KCNH8: variants seen among roughly 807,000 people sequenced by gnomAD.
KCNH8 encodes voltage-gated delayed rectifier potassium channel KCNH8.
Under a neutral mutation model 103.6 loss-of-function variants are expected in KCNH8, and 70 were observed. That is an observed-to-expected ratio of 0.68 (90% CI 0.56 to 0.82). The LOEUF is 0.82. Among genes scored for constraint, KCNH8 ranks in the 40% least tolerant of loss-of-function variants. The pLI, the probability that KCNH8 is intolerant of heterozygous loss-of-function variation, is 0.00. For missense variants in KCNH8, 1,217 were observed against 1,329.9 expected (o/e 0.92, Z 1.32); for synonymous variants, 498 against 489.4 (o/e 1.02, Z -0.23).
intron 2 of KCNH8, 123 bp downstream of exon 2, chr3:19,254,010 A>G (rs534151213): frequency 4.5e-6 from 3 of 666,660 alleles, no homozygotes; most frequent in Admixed American, 5.2e-5. Context: ...AGGCTGTTAC[A>G]GAAGTTCCAC....
intron 14 of KCNH8, among the ~76,000 whole-genome samples, chr3:19,516,505 A>C (rs1251589072): frequency 3.3e-5 from 5 of 152,078 alleles, no homozygotes; most frequent in Admixed American, 6.6e-5. Flanking sequence ...AGGAGCAAAG[A>C]AATCATAGTT....
At chr3:19,406,601 C>T (rs1214603661) in intron 7 of KCNH8, among the ~76,000 whole-genome samples, 1 of 152,044 alleles carries the variant, frequency 6.6e-6, no homozygotes, top group East Asian at 1.9e-4. Flanking sequence ...ACAACATAGT[C>T]TTTAATTGCT....
intron 5 of KCNH8, among the ~76,000 whole-genome samples, chr3:19,358,609 A>G (rs1443758698): frequency 6.6e-6 from 1 of 152,012 alleles, no homozygotes; most frequent in Non-Finnish European, 1.5e-5. Flanking sequence ...AAAACAAGTT[A>G]TAACAGATAC....
chr3:19,386,890 T>C (rs1051621208), intron 5 of KCNH8, among the ~76,000 whole-genome samples: 2 of 152,158 alleles, frequency 1.3e-5, no homozygotes, highest in African/African-American at 4.8e-5. Flanking sequence ...GAAGTTCCAC[T>C]CTGTTTCTGT....
chr3:19,492,416 G>A (rs1254049756), intron 11 of KCNH8, among the ~76,000 whole-genome samples: 6 of 152,120 alleles, frequency 3.9e-5, no homozygotes, highest in Admixed American at 3.3e-4. Flanking sequence ...TCCCAGCACC[G>A]TTTATTGAAC....
chr3:19,475,602 A>G (rs1180498051), intron 11 of KCNH8, among the ~76,000 whole-genome samples: 3 of 152,210 alleles, frequency 2.0e-5, no homozygotes, highest in Admixed American at 6.5e-5. Context: ...GGCTCAAAAT[A>G]TAAACTCACT....
intron 15 of KCNH8, among the ~76,000 whole-genome samples, chr3:19,533,081 G>A (rs2069192589): frequency 6.6e-6 from 1 of 151,874 alleles, no homozygotes; most frequent in Admixed American, 6.6e-5. Context: ...GTGGGCGCCT[G>A]TAGTCCCAGC....
At chr3:19,295,383 CAAATAAATAAATAAATAAAT>C (rs554786703) in intron 3 of KCNH8, among the ~76,000 whole-genome samples, 84 of 145,412 alleles carry the variant, frequency 5.8e-4, no homozygotes, top group African/African-American at 2.0e-3. Flanking sequence ...GACCCTGTCT[CAAATAAATAAATAAATAAAT>C]AAATAAATAA....
At chr3:19,348,672 T>C (rs973541507) in intron 5 of KCNH8, among the ~76,000 whole-genome samples, 4 of 152,056 alleles carry the variant, frequency 2.6e-5, no homozygotes, top group Non-Finnish European at 5.9e-5. Context: ...AGTCACAGAT[T>C]GACTCCCTGT....
intron 11 of KCNH8, among the ~76,000 whole-genome samples, chr3:19,470,471 T>C (rs1224620850): frequency 4.6e-5 from 7 of 152,188 alleles, no homozygotes; most frequent in African/African-American, 1.7e-4. Context: ...TCAATTTAAA[T>C]AGGAGCAGAG....
chr3:19,204,521 C>T (rs549443538), intron 1 of KCNH8, among the ~76,000 whole-genome samples: 1 of 151,712 alleles, frequency 6.6e-6, no homozygotes, highest in South Asian at 2.1e-4. Context: ...TTTTTCTTTC[C>T]TTCTAAGATT....
intron 2 of KCNH8, among the ~76,000 whole-genome samples, chr3:19,255,472 A>T (rs1445333956): frequency 6.6e-6 from 1 of 152,010 alleles, no homozygotes; most frequent in East Asian, 1.9e-4. Context: ...CTCTTGCCTG[A>T]TTGCCCTGGC....
intron 3 of KCNH8, among the ~76,000 whole-genome samples, chr3:19,327,146 A>T (rs1174869305): frequency 6.6e-6 from 1 of 152,258 alleles, no homozygotes; most frequent in Admixed American, 6.5e-5. Flanking sequence ...AGTCACACAC[A>T]GTCTTTTCTG....
intron 1 of KCNH8, among the ~76,000 whole-genome samples, chr3:19,158,420 A>G (rs1418275622): frequency 6.6e-6 from 1 of 151,522 alleles, no homozygotes; most frequent in Non-Finnish European, 1.5e-5. Context: ...ATTTTATTTG[A>G]CTAATTGTAC....
At chr3:19,388,370 A>G (rs2066388182) in intron 5 of KCNH8, among the ~76,000 whole-genome samples, 1 of 152,074 alleles carries the variant, frequency 6.6e-6, no homozygotes, top group Non-Finnish European at 1.5e-5. Context: ...GCTAATGCGG[A>G]AGTACCTGAG....
At chr3:19,420,420 T>C (rs1274537887) in intron 7 of KCNH8, among the ~76,000 whole-genome samples, 1 of 152,198 alleles carries the variant, frequency 6.6e-6, no homozygotes, top group Non-Finnish European at 1.5e-5. Flanking sequence ...TGGAATTCTG[T>C]CAAGGTTGGC....
At chr3:19,230,273 G>T (rs1226323066) in intron 1 of KCNH8, among the ~76,000 whole-genome samples, 2 of 152,174 alleles carry the variant, frequency 1.3e-5, no homozygotes, top group Non-Finnish European at 2.9e-5. Flanking sequence ...TAAGCAGAAA[G>T]AACTTGTTTT....
intron 8 of KCNH8, chr3:19,449,107 C>T: frequency 2.6e-6 from 1 of 389,100 alleles, no homozygotes; most frequent in South Asian, 2.2e-5. Flanking sequence ...CATCCTTTCA[C>T]TCTACTGTTC....
chr3:19,232,451 C>T (rs1179384056), intron 1 of KCNH8, among the ~76,000 whole-genome samples: 2 of 152,156 alleles, frequency 1.3e-5, no homozygotes, highest in Non-Finnish European at 2.9e-5. Flanking sequence ...GAAACTTCAG[C>T]CCACTGTTTT....
Sources: allele counts gnomAD v4.1 joint callset (sites outside exome capture counted in the v4.1 genomes callset), GRCh38; gene constraint gnomAD v4.1.1; transcripts MANE v1.5; gene names NCBI Gene and HGNC (gene_info 2026-07-23, HGNC 2026-07-21).